ITGAD: variants seen among roughly 807,000 people sequenced by gnomAD.
ITGAD encodes integrin alpha-D.
A neutral mutation model predicts 139.0 loss-of-function variants in ITGAD; 105 were observed. The observed-to-expected ratio is 0.76, with a 90% CI of 0.65 to 0.89. ITGAD has a LOEUF of 0.89. Ranked by LOEUF, ITGAD falls within the 40% of genes least tolerant of loss-of-function variation. The pLI, the probability that ITGAD is intolerant of heterozygous loss-of-function variation, is 0.00. For missense variants in ITGAD, 1,384 were observed against 1,487.3 expected (o/e 0.93, Z 1.14); for synonymous variants, 569 against 598.3 (o/e 0.95, Z 0.71).
At chr16:31,409,929 AAAG>A (rs1314627728) in intron 10 of ITGAD, among the ~76,000 whole-genome samples, 2 of 151,278 alleles carry the variant, frequency 1.3e-5, no homozygotes, top group African/African-American at 4.9e-5. Context: ...AAAAAAAAAA[AAAG>A]AAAGGATGAA....
At chr16:31,400,566 C>T (rs377617676) in intron 5 of ITGAD, among the ~76,000 whole-genome samples, 11 of 152,154 alleles carry the variant, frequency 7.2e-5, no homozygotes, top group African/African-American at 2.4e-4. Flanking sequence ...TGTGCCCTCA[C>T]GATTGCAGAG....
intron 5 of ITGAD, among the ~76,000 whole-genome samples, chr16:31,398,365 T>C (rs1170625867): frequency 6.7e-6 from 1 of 149,358 alleles, no homozygotes; most frequent in African/African-American, 2.5e-5. Flanking sequence ...AGGCGGAGGT[T>C]GCAGTGAGCT....
intron 25 of ITGAD, 30 bp from the exon 26 acceptor site, chr16:31,423,541 C>T: frequency 1.2e-6 from 2 of 1,609,230 alleles, no homozygotes; most frequent in Non-Finnish European, 1.7e-6. Flanking sequence ...GTTGCTCATT[C>T]TGTGGCTAAG....
At chr16:31,397,333 T>C in intron 2 of ITGAD, 26 bp from the exon 3 acceptor site, 1 of 1,511,954 alleles carries the variant, frequency 6.6e-7, no homozygotes, top group Non-Finnish European at 9.0e-7. Flanking sequence ...GTGGCTGCAG[T>C]GACATGGCCA....
chr16:31,411,705 G>C (rs1297450838), intron 14 of ITGAD, among the ~76,000 whole-genome samples, 188 bp downstream of exon 14: 1 of 152,234 alleles, frequency 6.6e-6, no homozygotes, highest in Non-Finnish European at 1.5e-5. Context: ...TTAATGGTTA[G>C]GAGAGCAGAC....
In ITGAD at chr16:31,394,222, C is replaced by T. The variant is rs530795587; in HGVS notation, c.32-14C>T. 6.3e-7 allele frequency: 1 copy of T among 1,589,724 alleles called. No individual in the cohort carries two copies. The highest frequency in any genetic ancestry group is 8.6e-7 in the Non-Finnish European group (1 of 1,158,288). The stretch of plus-strand genomic sequence containing the variant: ...TTTAACTCCCAGCCTCCCCGCCCAC[C>T]AAATATTCCTCAGTCCTGGCTTCTT... On this transcript the variant is annotated splice_polypyrimidine_tract_variant and intron_variant, in intron 1 of 29. Transcript: ENST00000389202.
chr16:31,412,331 A>T (rs1334616079), intron 14 of ITGAD, among the ~76,000 whole-genome samples: 5 of 151,704 alleles, frequency 3.3e-5, no homozygotes, highest in Admixed American at 1.3e-4. Context: ...AGCGTGAGCC[A>T]CTCCGCCTGG....
rs1395042410 is a variant in ITGAD, at chr16:31,410,280, G to A, written c.1084-115G>A. On this transcript the variant is annotated intron_variant, in intron 10 of 29. Transcript: ENST00000389202. Reference sequence around the variant, plus strand: ...GCACAGAGGCTGCTGGTGCGGGCCGGGAAGACAGAGAAGAAAAGCCTGGAT... The same window carrying A: ...GCACAGAGGCTGCTGGTGCGGGCCGAGAAGACAGAGAAGAAAAGCCTGGAT... The A allele has an allele frequency of 7.6e-6, 11 of 1,455,304 alleles. No homozygotes were observed. In the Admixed American group the frequency reaches 8.9e-5, roughly 12 times the overall value. The allele number at this position is 1,455,304 out of a possible 1,614,324, so 90.1% of individuals were successfully genotyped here.
Position 31,414,616 on chromosome 16 carries a change from T to C in ITGAD, c.2151+11T>C. ...AAGCTGCTTTTGCCAGTGAGGACTT[T>C]GGGTTCTGGGAAGGGGGAGAGAGGA... On this transcript the variant is annotated intron_variant, in intron 17 of 29. Coordinates refer to ENST00000389202, the MANE Select transcript of ITGAD (RefSeq NM_005353.3). The C allele has an allele frequency of 1.2e-6, 2 of 1,613,848 alleles. No individual in the cohort carries two copies. The highest frequency in any genetic ancestry group is 1.7e-6 in the Non-Finnish European group (2 of 1,179,800).
At position 31,415,123 on chromosome 16, in the gene ITGAD, C is replaced by T. The variant is rs967905836; in HGVS notation, c.2283+132C>T. On this transcript the variant is annotated intron_variant, in intron 18 of 29. Transcript: ENST00000389202. The stretch of plus-strand genomic sequence containing the variant: ...CCTGACTCCAGTCTCTCCCTTCCTC[C>T]TCACACCCAGGCCTGTGGGTTCTGT... 4.1e-5 allele frequency: 42 copies of T among 1,018,144 alleles called. No homozygotes were observed. In the Middle Eastern group the frequency reaches 1.1e-3, roughly 26 times the overall value. 63.1% of individuals were successfully genotyped at this position (1,018,144 alleles called of 1,614,324 possible).
At chr16:31,425,974 C>A (rs1227678340) in intron 29 of ITGAD, 41 bp from the exon 30 acceptor site, 1 of 1,385,260 alleles carries the variant, frequency 7.2e-7, no homozygotes, top group Non-Finnish European at 1.0e-6. Context: ...AGCCACCGGG[C>A]CCGGACTTAC....
At position 31,411,455 on chromosome 16, in the gene ITGAD, C is replaced by T. The variant is rs370622671; in HGVS notation, c.1645C>T (p.Arg549Trp). The T allele has an allele frequency of 2.7e-5, 44 of 1,613,958 alleles. No individual in the cohort carries two copies. The highest frequency in any genetic ancestry group is 1.2e-4 in the African/African-American group (9 of 74,898). Residue 549 changes from arginine to tryptophan, a missense_variant, in exon 14 of 30, where the codon CGG (arginine) becomes TGG (tryptophan). Coordinates refer to ENST00000389202, the MANE Select transcript of ITGAD (RefSeq NM_005353.3). ...TGGGGCCCCGGGAGAGCAGGAGAAC[C>T]GGGGTGCTGTCTACCTGTTTCACGG... ...AIGAPGEQENRGAVYLFHGAS... is the reference protein window; with the variant it reads ...AIGAPGEQENWGAVYLFHGAS...
At chr16:31,425,498 C>A (rs2082095398) in intron 29 of ITGAD, among the ~76,000 whole-genome samples, 1 of 152,192 alleles carries the variant, frequency 6.6e-6, no homozygotes, top group African/African-American at 2.4e-5. Context: ...CGTGTGTGTA[C>A]CTACTGTGCT....
At chr16:31,424,818 C>A in intron 29 of ITGAD, 1 of 310,794 alleles carries the variant, frequency 3.2e-6, no homozygotes, top group Middle Eastern at 9.7e-4. Context: ...AGGCTGGTCT[C>A]GAACTCCTGA....
rs562397628 is a variant in ITGAD at position 31,423,229 on chromosome 16, G to A, written c.2859+37G>A. ...GGGAGTATCCATGTCTGCCTTCCAC[G>A]TTGTGGATAAAGTTGGAAGTTGGTG... On this transcript the variant is annotated intron_variant, in intron 24 of 29. Transcript: ENST00000389202. 201 of 1,598,416 alleles carry A rather than the reference G, an allele frequency of 1.3e-4. 1 individual carries two copies. The highest frequency in any genetic ancestry group is 4.0e-5 in the African/African-American group (3 of 74,736).
At chr16:31,401,406 C>T (rs1437577212) in intron 5 of ITGAD, among the ~76,000 whole-genome samples, 2 of 152,218 alleles carry the variant, frequency 1.3e-5, no homozygotes, top group Non-Finnish European at 2.9e-5. Context: ...TTCCCCTCTG[C>T]CTAGCGTGAT....
In ITGAD at chr16:31,413,265, G is replaced by A; in HGVS notation, c.1996+19G>A. 6.2e-7 allele frequency: 1 copy of A among 1,613,004 alleles called. No homozygotes were observed. The highest frequency in any genetic ancestry group is 8.5e-7 in the Non-Finnish European group (1 of 1,179,472). ...CAGCTAGGTGTGTTTCCCCCATAAA[G>A]GGGGCCCAGGCCCCTCATTCCATTA... is the stretch of plus-strand genomic sequence containing the variant. On this transcript the variant is annotated intron_variant, in intron 16 of 29. Coordinates refer to ENST00000389202, the MANE Select transcript of ITGAD (RefSeq NM_005353.3).
At chr16:31,406,003 G>A (rs2081531042) in intron 7 of ITGAD, among the ~76,000 whole-genome samples, 1 of 151,958 alleles carries the variant, frequency 6.6e-6, no homozygotes, top group African/African-American at 2.4e-5. Flanking sequence ...TTCCAATATT[G>A]TATTTGACAC....
rs180878201 is a variant in ITGAD, at chr16:31,416,334, C to T, written c.2357+48C>T. The T allele has an allele frequency of 7.8e-6, 12 of 1,541,896 alleles. No homozygotes were observed. In the Admixed American group the frequency reaches 1.8e-4, roughly 23 times the overall value. On this transcript the variant is annotated intron_variant, in intron 19 of 29. Transcript: ENST00000389202. ...TCCAGACACTCAGGCTTCTGAGTCC[C>T]CCATCCTCCTGGGATGCTTGTGCTG... is the stretch of plus-strand genomic sequence containing the variant.
Sources: gnomAD v4.1 joint callset for allele counts (sites outside exome capture counted in the v4.1 genomes callset) on GRCh38, gnomAD v4.1.1 for gene constraint, MANE v1.5 for transcripts, NCBI Gene and HGNC (gene_info 2026-07-23, HGNC 2026-07-21) for gene names.